Variants in CD99L2 observed in about 807,000 individuals in gnomAD.
CD99L2 encodes CD99 antigen-like protein 2.
A neutral mutation model predicts 27.3 loss-of-function variants in CD99L2; 24 were observed. That is an observed-to-expected ratio of 0.88 (90% confidence interval 0.64 to 1.24). The LOEUF (loss-of-function observed/expected upper bound fraction) is 1.24, where lower values mean the gene tolerates loss of function less well. CD99L2 is among the 50% of genes most tolerant of loss of function. The pLI is 0.00. For synonymous variants in CD99L2, 97 were observed against 87.9 expected (o/e 1.10, Z -0.58); for missense variants, 255 against 221.6 (o/e 1.15, Z -0.96).
At chrX:150,895,884 G>A (rs782305864) in intron 1 of CD99L2, among the ~76,000 whole-genome samples, 79 of 109,539 alleles carry the variant, frequency 7.2e-4, no homozygotes, top group African/African-American at 2.6e-3. Context: ...AAAGTTAGCC[G>A]GTGTGGTGGC....
intron 1 of CD99L2, among the ~76,000 whole-genome samples, chrX:150,862,860 G>A (rs868940060): frequency 9.9e-6 from 1 of 100,704 alleles, no homozygotes. Context: ...GAGAGACAGA[G>A]AGAGAAAGAA....
At chrX:150,830,665 A>G (rs2046429396) in intron 2 of CD99L2, among the ~76,000 whole-genome samples, 1 of 111,845 alleles carries the variant, frequency 8.9e-6, no homozygotes, top group Admixed American at 9.5e-5. Flanking sequence ...CTTGGAGGCC[A>G]CTGCTGATAT....
chrX:150,818,700 CT>C, intron 2 of CD99L2: 1 of 148,900 alleles, frequency 6.7e-6, no homozygotes, highest in Non-Finnish European at 1.4e-5. Flanking sequence ...TAAACTTTCA[CT>C]TTAATAAACT....
Position 150,769,083 on chromosome X carries a change from T to A in CD99L2, c.740A>T (p.His247Leu), listed in dbSNP as rs782650413. 1 of 1,163,620 alleles carries A rather than the reference T, an allele frequency of 8.6e-7. No individual in the cohort carries two copies. The highest frequency in any genetic ancestry group is 2.9e-5 in the Admixed American group (1 of 34,673). ...EEPQVKYSTL[H>L]TQSAEPPPPP... ...CGGCGGCGGCTCTGCAGACTGCGTG[T>A]GCAACGTGGAGTATTTCACTAGGGG... Residue 247 changes from histidine (H) to leucine (L), a missense_variant, in exon 11 of 11, where the codon CAC becomes CTC. His to Leu is a moderately conservative substitution (Grantham distance 99). Transcript: ENST00000370377.
intron 4 of CD99L2, among the ~76,000 whole-genome samples, chrX:150,798,107 C>A (rs4828782): frequency 2.3e-5 from 1 of 42,720 alleles, no homozygotes; most frequent in Non-Finnish European, 3.8e-5. Context: ...GGACAGAACA[C>A]AGGAAGGGAG....
intron 1 of CD99L2, among the ~76,000 whole-genome samples, chrX:150,854,479 G>C (rs2046840076): frequency 9.0e-6 from 1 of 111,421 alleles, no homozygotes; most frequent in Non-Finnish European, 1.9e-5. Flanking sequence ...GGGCTGAATT[G>C]TGCCCCCTCC....
intron 1 of CD99L2, 27 bp downstream of exon 1, chrX:150,898,495 T>C (rs2047655931): frequency 9.2e-7 from 1 of 1,085,773 alleles, no homozygotes. Context: ...CCCCGCGCGG[T>C]CCCCGCGCGC....
chrX:150,793,686 C>G lies in CD99L2; in HGVS notation c.496+5G>C. 1 of 1,185,700 alleles carries G rather than the reference C, an allele frequency of 8.4e-7. No homozygotes were observed. Among genetic ancestry groups the G allele is most frequent in the Non-Finnish European group, 1.1e-6 (1 of 882,807 alleles). ...GGTTGTGTTGGCACAAATCAATGCTCCTACCTTTACCCTTGTCAGGTTTGT... is the reference window on the plus strand; with the variant it reads ...GGTTGTGTTGGCACAAATCAATGCTGCTACCTTTACCCTTGTCAGGTTTGT... On this transcript the variant is annotated splice_donor_5th_base_variant and intron_variant, in intron 7 of 10. Coordinates refer to ENST00000370377, the MANE Select transcript of CD99L2 (RefSeq NM_031462.4).
intron 1 of CD99L2, among the ~76,000 whole-genome samples, chrX:150,832,143 A>G (rs1314743859): frequency 8.9e-6 from 1 of 112,562 alleles, no homozygotes; most frequent in African/African-American, 3.2e-5. Flanking sequence ...GATAGATCAT[A>G]TGTTAGGCCA....
intron 1 of CD99L2, among the ~76,000 whole-genome samples, chrX:150,886,142 C>T (rs1316520503): frequency 8.9e-6 from 1 of 112,099 alleles, no homozygotes; most frequent in East Asian, 2.8e-4. Context: ...CTGGCTGAGA[C>T]CTGACTTATT....
intron 4 of CD99L2, among the ~76,000 whole-genome samples, chrX:150,813,634 C>G (rs2046106177): frequency 9.0e-6 from 1 of 111,578 alleles, no homozygotes; most frequent in South Asian, 3.7e-4. Context: ...AGAGCACGAC[C>G]TTTTAATATT....
At chrX:150,895,394 C>T (rs1376659745) in intron 1 of CD99L2, among the ~76,000 whole-genome samples, 1 of 111,688 alleles carries the variant, frequency 9.0e-6, no homozygotes, top group East Asian at 2.8e-4. Flanking sequence ...ACTTGTTAAC[C>T]GCCCTTTAAA....
chrX:150,865,674 G>C (rs1157882084), intron 1 of CD99L2, among the ~76,000 whole-genome samples: 1 of 111,593 alleles, frequency 9.0e-6, no homozygotes, highest in Non-Finnish European at 1.9e-5. Flanking sequence ...TCAGGAAGTG[G>C]TGACTCTCCC....
chrX:150,787,504 A>G (rs1557419591), intron 7 of CD99L2, among the ~76,000 whole-genome samples: 1 of 111,222 alleles, frequency 9.0e-6, no homozygotes, highest in East Asian at 2.8e-4. Context: ...CCAAATGTCC[A>G]TCAATGATAG....
At chrX:150,862,384 G>A (rs961936801) in intron 1 of CD99L2, among the ~76,000 whole-genome samples, 1 of 111,504 alleles carries the variant, frequency 9.0e-6, no homozygotes, top group East Asian at 2.8e-4. Flanking sequence ...AAACAGGGAT[G>A]AGGGAGGGCC....
chrX:150,891,780 C>T (rs918574025), intron 1 of CD99L2, among the ~76,000 whole-genome samples: 6 of 106,511 alleles, frequency 5.6e-5, no homozygotes, highest in Non-Finnish European at 5.8e-5. Context: ...TGACGTTAAG[C>T]TTTTGCATGC....
chrX:150,898,097 G>A (rs782758555), intron 1 of CD99L2, among the ~76,000 whole-genome samples: 444 of 74,042 alleles, frequency 6.0e-3, no homozygotes, highest in Non-Finnish European at 9.9e-3. Flanking sequence ...CTGTGATCCC[G>A]ATGAAAGGGG....
intron 1 of CD99L2, among the ~76,000 whole-genome samples, chrX:150,855,564 G>A (rs1003252901): frequency 1.9e-4 from 21 of 111,285 alleles, no homozygotes; most frequent in African/African-American, 5.9e-4. Context: ...GGGGAAATCC[G>A]TCCCCATGAT....
At position 150,809,802 on chromosome X, in the gene CD99L2, A is replaced by T. The variant is rs2046047104; in HGVS notation, c.277+5060T>A. On this transcript the variant is annotated intron_variant, in intron 4 of 10. Coordinates refer to ENST00000370377, the MANE Select transcript of CD99L2 (RefSeq NM_031462.4). ...TTGAACATTAATAAAAACAAGAGAAAGTGGGAGTGGTTATATTAATATCAG... is the reference window on the plus strand; with the variant it reads ...TTGAACATTAATAAAAACAAGAGAATGTGGGAGTGGTTATATTAATATCAG... Among the ~76,000 whole-genome samples, 3 of 112,422 alleles carry T rather than the reference A, an allele frequency of 2.7e-5. No homozygotes were observed. The South Asian group carries it at 1.1e-3, about 41-fold the overall frequency.
Sources: allele counts gnomAD v4.1 joint callset (sites outside exome capture counted in the v4.1 genomes callset), GRCh38; gene constraint gnomAD v4.1.1; transcripts MANE v1.5; gene names NCBI Gene and HGNC (gene_info 2026-07-23, HGNC 2026-07-21).